Variants in ABTB2 observed in about 807,000 individuals in gnomAD.
The protein encoded by ABTB2 is ankyrin repeat and BTB domain containing 2, also known as ankyrin repeat and BTB/POZ domain-containing protein 2.
Under a neutral mutation model 104.1 loss-of-function variants are expected in ABTB2, and 56 were observed. That is an observed-to-expected ratio of 0.54 (90% CI 0.43 to 0.67). The LOEUF is 0.67. Among genes scored for constraint, ABTB2 ranks in the 30% least tolerant of loss-of-function variants. The pLI, the probability that ABTB2 is intolerant of heterozygous loss-of-function variation, is 0.00. For synonymous variants in ABTB2, 606 were observed against 608.2 expected (o/e 1.00, Z 0.05); for missense variants, 1,279 against 1,407.7 (o/e 0.91, Z 1.46).
intron 1 of ABTB2, among the ~76,000 whole-genome samples, chr11:34,311,992 T>A (rs1854860079): frequency 6.6e-6 from 1 of 151,536 alleles, no homozygotes; most frequent in Admixed American, 6.6e-5. Flanking sequence ...AATACAAAAA[T>A]TTGCAGGTCA....
In ABTB2 at chr11:34,154,185, C is replaced by A; in HGVS notation, c.2880+80G>T. The A allele has an allele frequency of 9.0e-7, 1 of 1,112,346 alleles. No homozygotes were observed. The highest frequency in any genetic ancestry group is 1.9e-5 in the Admixed American group (1 of 52,390). The allele number at this position is 1,112,346 out of a possible 1,614,324, so 68.9% of individuals were successfully genotyped here. On this transcript the variant is annotated intron_variant, in intron 16 of 16. Transcript: ENST00000435224. This position sits in a 1 kb window ranked among gnomAD's most constrained non-coding sequence, Gnocchi z 4.9. ...GTCACCTGCATCTCCTAGCTCATCC[C>A]CAGTGCAGCCACACGGCCGAGGCCC...
At chr11:34,192,253 A>C (rs1266188540) in intron 3 of ABTB2, among the ~76,000 whole-genome samples, 1 of 152,174 alleles carries the variant, frequency 6.6e-6, no homozygotes, top group Admixed American at 6.5e-5. Flanking sequence ...AGATTGTGCC[A>C]CTGCACTCCA....
At position 34,229,354 on chromosome 11, in the gene ABTB2, G is replaced by A. The variant is rs551240472; in HGVS notation, c.884-24664C>T. ...AAATTAGCCAGGTGTGGTGGCGGGCGCCTGTAGTCCCAGCTACTCGGGAGG... is the reference window on the plus strand; with the variant it reads ...AAATTAGCCAGGTGTGGTGGCGGGCACCTGTAGTCCCAGCTACTCGGGAGG... On this transcript the variant is annotated intron_variant, in intron 1 of 16. Transcript: ENST00000435224. 7.3e-5 allele frequency among the ~76,000 whole-genome samples: 11 copies of A among 150,510 alleles called. No homozygotes were observed. The East Asian group carries it at 9.9e-4, about 14-fold the overall frequency.
intron 3 of ABTB2, among the ~76,000 whole-genome samples, chr11:34,188,709 A>G (rs959514566): frequency 4.6e-5 from 7 of 152,266 alleles, no homozygotes; most frequent in African/African-American, 1.2e-4. Flanking sequence ...AGTCAGTAGC[A>G]TAAAGCCACC....
At chr11:34,214,139 AACACACACACACACACACAC>A (rs10529537) in intron 1 of ABTB2, among the ~76,000 whole-genome samples, 1 of 139,172 alleles carries the variant, frequency 7.2e-6, no homozygotes, top group Admixed American at 7.2e-5. Context: ...GCACATTCAA[AACACACACACACACACACAC>A]ACACACACAC....
chr11:34,220,838 T>C (rs186875923), intron 1 of ABTB2, among the ~76,000 whole-genome samples: 11 of 152,370 alleles, frequency 7.2e-5, no homozygotes, highest in Admixed American at 2.6e-4. Context: ...CTCACTGTTC[T>C]AGAGGCCTGA....
chr11:34,305,608 T>C (rs1486707332), intron 1 of ABTB2, among the ~76,000 whole-genome samples: 3 of 152,206 alleles, frequency 2.0e-5, no homozygotes, highest in Non-Finnish European at 4.4e-5. Context: ...AGATCTGATA[T>C]CTTAATATAT....
intron 1 of ABTB2, among the ~76,000 whole-genome samples, chr11:34,223,628 C>T (rs1401473126): frequency 1.3e-5 from 2 of 152,180 alleles, no homozygotes; most frequent in Non-Finnish European, 2.9e-5. Flanking sequence ...GCAGCTTGTG[C>T]CTTGCAGGCA....
At chr11:34,251,723 G>A (rs558817824) in intron 1 of ABTB2, among the ~76,000 whole-genome samples, 1 of 152,238 alleles carries the variant, frequency 6.6e-6, no homozygotes, top group African/African-American at 2.4e-5. Context: ...GCACTACACA[G>A]ATATAAGGAA....
intron 14 of ABTB2, among the ~76,000 whole-genome samples, chr11:34,157,573 A>G (rs933655311): frequency 2.6e-5 from 4 of 151,942 alleles, no homozygotes; most frequent in Non-Finnish European, 5.9e-5. Context: ...GCATGACTCC[A>G]CCTCCTGCTC....
At chr11:34,303,305 C>T (rs557179161) in intron 1 of ABTB2, among the ~76,000 whole-genome samples, 3 of 152,342 alleles carry the variant, frequency 2.0e-5, no homozygotes, top group East Asian at 1.9e-4. Flanking sequence ...ACCACTCCAT[C>T]GCACAGCCTA....
intron 1 of ABTB2, among the ~76,000 whole-genome samples, chr11:34,339,548 G>T (rs1309570153): frequency 6.6e-6 from 1 of 152,178 alleles, no homozygotes; most frequent in Non-Finnish European, 1.5e-5. Flanking sequence ...CCTCAGTGAG[G>T]ACCCAGTTAC....
chr11:34,198,781 G>A (rs1853298702), intron 2 of ABTB2, among the ~76,000 whole-genome samples: 1 of 152,204 alleles, frequency 6.6e-6, no homozygotes, highest in Non-Finnish European at 1.5e-5. Context: ...AGGCCACAAT[G>A]CTGAGAAAGG....
chr11:34,206,407 C>A (rs1311787490), intron 1 of ABTB2, among the ~76,000 whole-genome samples: 2 of 152,042 alleles, frequency 1.3e-5, no homozygotes, highest in African/African-American at 4.8e-5. Context: ...AACAAAAAAA[C>A]CCTGTGTGAT....
In ABTB2 at chr11:34,216,970, G is replaced by A. The variant is rs573765836; in HGVS notation, c.884-12280C>T. 7.5e-4 allele frequency among the ~76,000 whole-genome samples: 114 copies of A among 152,216 alleles called. 1 individual carries two copies. Among genetic ancestry groups the A allele is most frequent in the Non-Finnish European group, 1.1e-3 (78 of 68,022 alleles). The stretch of plus-strand genomic sequence containing the variant: ...CACCTAGATGTTCCTGCCTCTTTCC[G>A]TGGCAATGACCTGATAACCTGGAAG... On this transcript the variant is annotated intron_variant, in intron 1 of 16. Coordinates refer to ENST00000435224, the MANE Select transcript of ABTB2 (RefSeq NM_145804.3).
In ABTB2 at chr11:34,172,390, AAAAAAAT is replaced by A. The variant is rs1245524805; in HGVS notation, c.1397+758_1397+764del. ...CTGTCTCAAAAAAAAAAAAAAAAAAAAAAAAATATATATATATATATATATATATGTG... is the reference window on the plus strand; with the variant it reads ...CTGTCTCAAAAAAAAAAAAAAAAAAAATATATATATATATATATATATGTG... On this transcript the variant is annotated intron_variant, in intron 4 of 16. Transcript: ENST00000435224. 3.4e-3 allele frequency among the ~76,000 whole-genome samples: 181 copies of A among 53,362 alleles called. 8 individuals carry two copies. Among genetic ancestry groups the A allele is most frequent in the Non-Finnish European group, 4.7e-3 (119 of 25,086 alleles). 35.0% of individuals were successfully genotyped at this position (53,362 alleles called of 152,430 possible).
intron 1 of ABTB2, among the ~76,000 whole-genome samples, chr11:34,231,084 C>T (rs902004763): frequency 2.6e-5 from 4 of 152,040 alleles, no homozygotes; most frequent in South Asian, 2.1e-4. Flanking sequence ...ATTTTAGGAA[C>T]AGGGCATGGA....
At chr11:34,320,038 C>T (rs941099347) in intron 1 of ABTB2, among the ~76,000 whole-genome samples, 6 of 152,132 alleles carry the variant, frequency 3.9e-5, no homozygotes, top group East Asian at 1.9e-4. Flanking sequence ...GCGTGACCAC[C>T]GTGCCTGGCC....
chr11:34,233,201 G>T (rs1853795285), intron 1 of ABTB2, among the ~76,000 whole-genome samples: 1 of 90,772 alleles, frequency 1.1e-5, no homozygotes, highest in Non-Finnish European at 2.4e-5. Flanking sequence ...ACCTGGGCTT[G>T]GTGCATGAGG....
Sources: allele counts gnomAD v4.1 joint callset (sites outside exome capture counted in the v4.1 genomes callset), GRCh38; gene constraint gnomAD v4.1.1; non-coding constraint Gnocchi (gnomAD v3.1); transcripts MANE v1.5; gene names NCBI Gene and HGNC (gene_info 2026-07-23, HGNC 2026-07-21).